Variants in PIGK observed in about 807,000 individuals in gnomAD.
PIGK encodes phosphatidylinositol glycan anchor biosynthesis class K.
PIGK carries 42 observed loss-of-function variants against 50.6 expected under a neutral mutation model. The ratio of observed to expected loss-of-function variants is 0.83; its 90% confidence interval spans 0.65 to 1.07. The LOEUF (loss-of-function observed/expected upper bound fraction) is 1.07. Among genes scored for constraint, PIGK ranks in the 50% least tolerant of loss-of-function variants. PIGK has a pLI of 0.00. For synonymous variants in PIGK, 151 were observed against 156.0 expected (o/e 0.97, Z 0.24); for missense variants, 448 against 488.7 (o/e 0.92, Z 0.78).
At chr1:77,206,424 T>A (rs1435195587) in intron 3 of PIGK, among the ~76,000 whole-genome samples, 1 of 152,224 alleles carries the variant, frequency 6.6e-6, no homozygotes, top group African/African-American at 2.4e-5. Flanking sequence ...CCAATCTTTT[T>A]ACCTTAGCAT....
chr1:77,116,085 C>T (rs552028298), intron 10 of PIGK, among the ~76,000 whole-genome samples: 1 of 152,152 alleles, frequency 6.6e-6, no homozygotes, highest in East Asian at 1.9e-4. Context: ...GGGTTTATGG[C>T]TTTGTTTACA....
intron 9 of PIGK, among the ~76,000 whole-genome samples, chr1:77,144,198 C>A (rs960805456): frequency 6.6e-6 from 1 of 151,868 alleles, no homozygotes; most frequent in Admixed American, 6.6e-5. Context: ...TCTGTTAACT[C>A]ATTTAGAATG....
intron 9 of PIGK, among the ~76,000 whole-genome samples, chr1:77,123,382 T>C (rs1482027452): frequency 1.3e-5 from 2 of 152,160 alleles, no homozygotes; most frequent in Non-Finnish European, 2.9e-5. Flanking sequence ...AGGAATCTAA[T>C]GAGAACTCTA....
At chr1:77,174,307 G>A (rs1325071716) in intron 3 of PIGK, among the ~76,000 whole-genome samples, 1 of 152,176 alleles carries the variant, frequency 6.6e-6, no homozygotes. Context: ...ATTAAAAGTG[G>A]ATATTCAAGC....
chr1:77,214,699 G>A (rs573244645), intron 1 of PIGK, among the ~76,000 whole-genome samples: 13 of 152,240 alleles, frequency 8.5e-5, no homozygotes, highest in African/African-American at 2.9e-4. Context: ...CTGAAAAGGA[G>A]GAAGTCAAAC....
chr1:77,111,665 A>G (rs1042735057), intron 10 of PIGK, among the ~76,000 whole-genome samples: 4 of 152,016 alleles, frequency 2.6e-5, no homozygotes, highest in African/African-American at 9.7e-5. Context: ...CTAAATAACG[A>G]GTTAATGGGT....
At chr1:77,182,710 T>A (rs1167342077) in intron 3 of PIGK, among the ~76,000 whole-genome samples, 1 of 152,202 alleles carries the variant, frequency 6.6e-6, no homozygotes, top group East Asian at 1.9e-4. Flanking sequence ...TGGATTTGGC[T>A]GCTTAATATG....
chr1:77,166,644 A>C, intron 5 of PIGK, 75 bp downstream of exon 5: 1 of 697,234 alleles, frequency 1.4e-6, no homozygotes, highest in Non-Finnish European at 2.4e-6. Flanking sequence ...ACGTGTTTAA[A>C]TTTCTTTCCA....
chr1:77,197,622 T>C (rs988641157), intron 3 of PIGK, among the ~76,000 whole-genome samples: 1 of 152,208 alleles, frequency 6.6e-6, no homozygotes, highest in Admixed American at 6.5e-5. Flanking sequence ...GGTTTGATAG[T>C]AATCTGAGTA....
intron 3 of PIGK, among the ~76,000 whole-genome samples, chr1:77,170,166 C>T (rs1202177785): frequency 1.3e-5 from 2 of 152,162 alleles, no homozygotes; most frequent in Non-Finnish European, 2.9e-5. Context: ...CAAGGACTCC[C>T]CATTATATCT....
intron 9 of PIGK, among the ~76,000 whole-genome samples, chr1:77,132,717 GTTTTA>G (rs1165634657): frequency 6.6e-6 from 1 of 151,866 alleles, no homozygotes; most frequent in Non-Finnish European, 1.5e-5. Context: ...ATTTCATTTA[GTTTTA>G]TTTTATTTCA....
chr1:77,213,269 G>A (rs887429366), intron 1 of PIGK, among the ~76,000 whole-genome samples: 6 of 152,098 alleles, frequency 3.9e-5, no homozygotes, highest in Admixed American at 6.5e-5. Flanking sequence ...CATTCTTCTC[G>A]TCAGCACGTG....
At chr1:77,163,714 T>C in intron 6 of PIGK, 132 bp downstream of exon 6, 1 of 592,310 alleles carries the variant, frequency 1.7e-6, no homozygotes, top group Non-Finnish European at 2.9e-6. Context: ...AAATAACAAA[T>C]GTAAATTTAA....
At chr1:77,148,771 G>A (rs916204634) in intron 9 of PIGK, among the ~76,000 whole-genome samples, 5 of 151,528 alleles carry the variant, frequency 3.3e-5, no homozygotes, top group African/African-American at 1.2e-4. Flanking sequence ...CTGGAGTGCA[G>A]TGGCGCGATC....
intron 10 of PIGK, among the ~76,000 whole-genome samples, chr1:77,099,301 T>C (rs537260987): frequency 6.6e-6 from 1 of 152,346 alleles, no homozygotes; most frequent in Admixed American, 6.5e-5. Flanking sequence ...TCTTAGTGTT[T>C]TTCTGGGGGA....
chr1:77,166,883 G>C (rs1655247378), intron 4 of PIGK, 53 bp from the exon 5 acceptor site: 2 of 838,634 alleles, frequency 2.4e-6, no homozygotes, highest in East Asian at 5.0e-5. Flanking sequence ...GGGAAATCTT[G>C]ACAAATTACT....
intron 10 of PIGK, among the ~76,000 whole-genome samples, chr1:77,120,296 C>G (rs189393044): frequency 1.7e-4 from 26 of 152,264 alleles, no homozygotes; most frequent in African/African-American, 6.3e-4. Context: ...CTCACTGTAG[C>G]CTCAATCTGG....
intron 10 of PIGK, among the ~76,000 whole-genome samples, chr1:77,120,168 A>T (rs1245901895): frequency 6.6e-6 from 1 of 152,206 alleles, no homozygotes; most frequent in Non-Finnish European, 1.5e-5. Context: ...GAAACTAGCT[A>T]ACCTAATTAT....
chr1:77,186,635 G>A (rs572494396), intron 3 of PIGK, among the ~76,000 whole-genome samples: 2 of 152,306 alleles, frequency 1.3e-5, no homozygotes, highest in South Asian at 4.1e-4. Context: ...AAGTAGATAT[G>A]AGGACCCGTT....
Sources: gnomAD v4.1 joint callset for allele counts (sites outside exome capture counted in the v4.1 genomes callset) on GRCh38, gnomAD v4.1.1 for gene constraint, MANE v1.5 for transcripts, NCBI Gene and HGNC (gene_info 2026-07-23, HGNC 2026-07-21) for gene names.